The following CDH12 variants were observed in gnomAD, a reference collection of about 807,000 sequenced individuals.
CDH12 encodes the protein cadherin 12.
In CDH12, 41 loss-of-function variants were observed where a neutral mutation model predicts 74.1. The ratio of observed to expected loss-of-function variants is 0.55; its 90% CI spans 0.43 to 0.72. CDH12 has a LOEUF of 0.72. Among genes scored for constraint, CDH12 ranks in the 30% least tolerant of loss-of-function variants. The probability of loss-of-function intolerance (pLI) is 0.00; values close to 1 mark genes in which losing one functional copy is unlikely to be tolerated. For missense variants in CDH12, 945 were observed against 977.2 expected (o/e 0.97, Z 0.44); for synonymous variants, 399 against 355.0 (o/e 1.12, Z -1.39).
intron 1 of CDH12, among the ~76,000 whole-genome samples, chr5:22,689,789 T>A (rs542848718): frequency 6.6e-6 from 1 of 152,104 alleles, no homozygotes; most frequent in African/African-American, 2.4e-5. Context: ...AAGTTTAGGG[T>A]CTTGTATCAA....
intron 1 of CDH12, among the ~76,000 whole-genome samples, chr5:22,604,261 T>C (rs1346248203): frequency 6.6e-6 from 1 of 152,212 alleles, no homozygotes; most frequent in Non-Finnish European, 1.5e-5. Context: ...TTGAGGCATA[T>C]GCTATTTATT....
chr5:22,729,228 G>C (rs1744311276), intron 1 of CDH12, among the ~76,000 whole-genome samples: 1 of 151,756 alleles, frequency 6.6e-6, no homozygotes, highest in Non-Finnish European at 1.5e-5. Context: ...ACAGGGGCGT[G>C]GTTCTCATCT....
At chr5:21,883,659 C>G in intron 6 of CDH12, 1 of 1,611,976 alleles carries the variant, frequency 6.2e-7, no homozygotes, top group Non-Finnish European at 8.5e-7. Flanking sequence ...CGATGCCATG[C>G]TCTTAAAAGG....
At chr5:22,835,265 C>A (rs2126509242) in intron 1 of CDH12, among the ~76,000 whole-genome samples, 1 of 152,102 alleles carries the variant, frequency 6.6e-6, no homozygotes, top group South Asian at 2.1e-4. Context: ...ATTCTATCTT[C>A]TTGTTCTCGA....
intron 1 of CDH12, among the ~76,000 whole-genome samples, chr5:22,713,132 C>CTTT (rs70959753): frequency 9.8e-5 from 6 of 61,160 alleles, no homozygotes; most frequent in African/African-American, 2.5e-4. Flanking sequence ...TATGCTAATT[C>CTTT]TTTTTTTTTT....
chr5:22,620,053 A>G (rs991397391), intron 1 of CDH12, among the ~76,000 whole-genome samples: 2 of 152,074 alleles, frequency 1.3e-5, no homozygotes, highest in African/African-American at 4.8e-5. Flanking sequence ...AACTTTGTCA[A>G]TATCTTGGTC....
intron 1 of CDH12, among the ~76,000 whole-genome samples, chr5:22,567,591 C>A (rs1372243054): frequency 2.0e-5 from 3 of 152,088 alleles, no homozygotes; most frequent in Admixed American, 2.0e-4. Flanking sequence ...TGTGGAAAGA[C>A]AATAATTTTT....
Position 21,751,523 on chromosome 5 carries a change from CTT to C in CDH12, c.*212_*213del. ...CAAGTACACATTATAGGATGTATCT[CTT>C]GTTGGCAGAATAAACCAAAACTGAC... On this transcript the variant is annotated 3_prime_UTR_variant, in exon 15 of 15. Transcript: ENST00000382254. The C allele has an allele frequency of 1.8e-6, 1 of 547,090 alleles. No homozygotes were observed. The highest frequency in any genetic ancestry group is 3.2e-6 in the Non-Finnish European group (1 of 308,022). 33.9% of individuals were successfully genotyped at this position (547,090 alleles called of 1,614,324 possible).
chr5:21,989,357 C>T (rs1757652788), intron 5 of CDH12, among the ~76,000 whole-genome samples: 1 of 152,132 alleles, frequency 6.6e-6, no homozygotes, highest in South Asian at 2.1e-4. Context: ...TTGAGTTTTG[C>T]AGTACCAAGG....
intron 3 of CDH12, among the ~76,000 whole-genome samples, chr5:22,384,458 G>A (rs1388188502): frequency 3.5e-5 from 5 of 142,990 alleles, no homozygotes; most frequent in African/African-American, 7.6e-5. Flanking sequence ...CCCGGGAGGC[G>A]GAGCTTGCAG....
chr5:22,320,413 T>A (rs1350486456), intron 3 of CDH12, among the ~76,000 whole-genome samples: 2 of 152,182 alleles, frequency 1.3e-5, no homozygotes, highest in East Asian at 1.9e-4. Flanking sequence ...ATATATAAAT[T>A]CATTATTTGA....
chr5:22,490,794 A>G (rs971404678), intron 2 of CDH12, among the ~76,000 whole-genome samples: 30 of 152,110 alleles, frequency 2.0e-4, no homozygotes, highest in African/African-American at 7.0e-4. Flanking sequence ...ATGTAGGGAG[A>G]ACTAACACTC....
rs189878316 is a variant in CDH12 at position 22,469,662 on chromosome 5, G to C, written c.-428+35608C>G. 7.6e-3 allele frequency among the ~76,000 whole-genome samples: 1,152 copies of C among 152,170 alleles called. 9 individuals carry two copies. The highest frequency in any genetic ancestry group is 0.014 in the Middle Eastern group (4 of 294). ...GGAAGGTTTACTTCAACCTGTAACA[G>C]GTTCAATGGCAGTCATTTTCCAGTG... On this transcript the variant is annotated intron_variant, in intron 2 of 14. Coordinates refer to ENST00000382254, the MANE Select transcript of CDH12 (RefSeq NM_004061.5).
chr5:21,858,442 TATA>T (rs923296437), intron 6 of CDH12, among the ~76,000 whole-genome samples: 2 of 151,916 alleles, frequency 1.3e-5, no homozygotes, highest in Non-Finnish European at 2.9e-5. Flanking sequence ...TAATAAAAAG[TATA>T]ATGTTTCACT....
At chr5:22,144,569 T>TA (rs935243117) in intron 4 of CDH12, among the ~76,000 whole-genome samples, 1 of 152,108 alleles carries the variant, frequency 6.6e-6, no homozygotes, top group African/African-American at 2.4e-5. Flanking sequence ...AAAATTGGGA[T>TA]AAAAATGTGC....
chr5:22,526,117 C>A (rs1042178900), intron 1 of CDH12, among the ~76,000 whole-genome samples: 2 of 151,928 alleles, frequency 1.3e-5, no homozygotes, highest in African/African-American at 4.8e-5. Flanking sequence ...TATAGAGTGT[C>A]TATTATATGT....
intron 1 of CDH12, among the ~76,000 whole-genome samples, chr5:22,736,380 T>A (rs1206064427): frequency 6.6e-6 from 1 of 151,814 alleles, no homozygotes; most frequent in Non-Finnish European, 1.5e-5. Context: ...AAAATCCTTT[T>A]TGTGTTATTT....
chr5:21,968,158 T>C (rs1315415311), intron 6 of CDH12, among the ~76,000 whole-genome samples: 1 of 152,220 alleles, frequency 6.6e-6, no homozygotes, highest in African/African-American at 2.4e-5. Flanking sequence ...AGCTGGAACC[T>C]TTACCATTTA....
chr5:21,877,128 AT>A (rs1277954491), intron 6 of CDH12, among the ~76,000 whole-genome samples: 2 of 152,068 alleles, frequency 1.3e-5, no homozygotes, highest in Non-Finnish European at 2.9e-5. Flanking sequence ...GCTTGAACCC[AT>A]GAGGAGAAGG....
Sources: allele counts gnomAD v4.1 joint callset (sites outside exome capture counted in the v4.1 genomes callset), GRCh38; gene constraint gnomAD v4.1.1; transcripts MANE v1.5; gene names NCBI Gene and HGNC (gene_info 2026-07-23, HGNC 2026-07-21).